The following ADGB variants were observed in gnomAD, a reference collection of about 807,000 sequenced individuals.
ADGB encodes calpain-7-like protein.
Under a neutral mutation model 210.5 loss-of-function variants are expected in ADGB, and 172 were observed. That is an observed-to-expected ratio of 0.82 (90% CI 0.72 to 0.93). The LOEUF is 0.93. Ranked by LOEUF, ADGB falls within the 40% of genes least tolerant of loss-of-function variation. The pLI is 0.00. For synonymous variants in ADGB, 658 were observed against 662.7 expected, an observed-to-expected ratio of 0.99 and a Z score of 0.11; for missense variants, 2,025 against 1,964.8, an observed-to-expected ratio of 1.03 and a Z score of -0.58.
intron 23 of ADGB, among the ~76,000 whole-genome samples, chr6:146,737,669 C>A (rs926260903): frequency 1.3e-5 from 2 of 152,140 alleles, no homozygotes; most frequent in Non-Finnish European, 2.9e-5. Context: ...TCTTTTCCAA[C>A]CTGCTTTTGT....
chr6:146,702,643 A>T (rs1159246212), intron 13 of ADGB, among the ~76,000 whole-genome samples: 5 of 152,078 alleles, frequency 3.3e-5, no homozygotes, highest in Admixed American at 6.6e-5. Context: ...TAATCTTAAA[A>T]ATACTTAATA....
intron 33 of ADGB, among the ~76,000 whole-genome samples, chr6:146,797,044 A>C (rs1401694693): frequency 1.3e-5 from 2 of 152,190 alleles, no homozygotes; most frequent in Non-Finnish European, 2.9e-5. Context: ...TAAGGACATG[A>C]ATAGACAATC....
At chr6:146,638,364 A>G (rs947809291) in intron 2 of ADGB, among the ~76,000 whole-genome samples, 16 of 151,996 alleles carry the variant, frequency 1.1e-4, no homozygotes, top group Admixed American at 9.8e-4. Context: ...CAAATGTCCA[A>G]CAATGATAGA....
chr6:146,653,694 A>G (rs758111208), intron 3 of ADGB, among the ~76,000 whole-genome samples: 1 of 152,158 alleles, frequency 6.6e-6, no homozygotes, highest in Non-Finnish European at 1.5e-5. Flanking sequence ...CCCATGACGT[A>G]AGTTTACCTA....
At chr6:146,806,376 A>T (rs1196919422) in intron 35 of ADGB, among the ~76,000 whole-genome samples, 1 of 152,142 alleles carries the variant, frequency 6.6e-6, no homozygotes, top group African/African-American at 2.4e-5. Context: ...TATTAAACTT[A>T]TTTACACACT....
chr6:146,634,164 T>C (rs1460707468), intron 1 of ADGB, among the ~76,000 whole-genome samples: 3 of 152,160 alleles, frequency 2.0e-5, no homozygotes, highest in Admixed American at 6.6e-5. Flanking sequence ...CAGTAACAGC[T>C]GTACAGGTTT....
At chr6:146,743,800 G>A (rs1001680539) in intron 25 of ADGB, among the ~76,000 whole-genome samples, 5 of 152,156 alleles carry the variant, frequency 3.3e-5, no homozygotes, top group Non-Finnish European at 5.9e-5. Context: ...TGTAGTCCCA[G>A]CTACTAGGGA....
intron 1 of ADGB, among the ~76,000 whole-genome samples, chr6:146,628,922 A>G (rs1781019722): frequency 1.3e-5 from 2 of 152,124 alleles, no homozygotes; most frequent in South Asian, 4.1e-4. Flanking sequence ...GGGGAAATAA[A>G]TGTTACCAAA....
At chr6:146,653,113 C>T (rs1029955238) in intron 3 of ADGB, among the ~76,000 whole-genome samples, 1 of 152,012 alleles carries the variant, frequency 6.6e-6, no homozygotes, top group Non-Finnish European at 1.5e-5. Context: ...ACTGCGTGTG[C>T]ATGTGAGGAA....
chr6:146,720,836 A>G (rs1776801736), intron 16 of ADGB, among the ~76,000 whole-genome samples: 1 of 151,866 alleles, frequency 6.6e-6, no homozygotes, highest in Non-Finnish European at 1.5e-5. Flanking sequence ...TGATTCAATC[A>G]CCTCCCACCA....
intron 19 of ADGB, 30 bp downstream of exon 19, chr6:146,726,227 A>G (rs377544817): frequency 2.8e-6 from 4 of 1,422,854 alleles, no homozygotes; most frequent in Non-Finnish European, 3.9e-6. Context: ...CAAGTTATTT[A>G]TTTATTTATT....
intron 1 of ADGB, among the ~76,000 whole-genome samples, chr6:146,628,085 A>T (rs1178289418): frequency 3.3e-5 from 5 of 152,044 alleles, no homozygotes; most frequent in African/African-American, 4.8e-5. Flanking sequence ...TAAATTTTAT[A>T]TTTGTTTTTA....
chr6:146,764,199 G>A (rs1777542196), intron 28 of ADGB, 99 bp downstream of exon 28: 2 of 1,031,928 alleles, frequency 1.9e-6, no homozygotes, highest in Non-Finnish European at 2.7e-6. Flanking sequence ...AGTGTGCAGT[G>A]CTGCCAATGT....
chr6:146,809,548 C>G (rs1778270276), intron 35 of ADGB, among the ~76,000 whole-genome samples: 1 of 152,046 alleles, frequency 6.6e-6, no homozygotes, highest in Non-Finnish European at 1.5e-5. Context: ...CACCATGTTT[C>G]CCAGGCTGTT....
intron 12 of ADGB, among the ~76,000 whole-genome samples, chr6:146,699,460 C>G (rs1242815875): frequency 6.6e-6 from 1 of 152,122 alleles, no homozygotes; most frequent in Non-Finnish European, 1.5e-5. Context: ...GTGAATTCAC[C>G]TTTCCTCTGT....
intron 9 of ADGB, among the ~76,000 whole-genome samples, chr6:146,679,744 CT>C (rs1201436507): frequency 6.6e-6 from 1 of 152,120 alleles, no homozygotes; most frequent in African/African-American, 2.4e-5. Flanking sequence ...TTATTGAAAA[CT>C]TTTTTCTCTA....
In ADGB at chr6:146,715,416, G is replaced by A; in HGVS notation, c.1741+1G>A. On this transcript the variant is annotated splice_donor_variant, in intron 14 of 35. Coordinates refer to ENST00000397944, the MANE Select transcript of ADGB (RefSeq NM_024694.4). LOFTEE classifies it high-confidence loss of function. Reference sequence around the variant, plus strand: ...GCTTCACAAGTTATACTTGGAAAAGGTAAATTAATAATTTTCCTGTGACTT... The same window carrying A: ...GCTTCACAAGTTATACTTGGAAAAGATAAATTAATAATTTTCCTGTGACTT... 6.7e-7 allele frequency: 1 copy of A among 1,496,418 alleles called. No individual in the cohort carries two copies. Among genetic ancestry groups the A allele is most frequent in the Non-Finnish European group, 8.9e-7 (1 of 1,122,960 alleles). The allele number at this position is 1,496,418 out of a possible 1,614,324, so 92.7% of individuals were successfully genotyped here.
rs1440430212 is a variant in ADGB at position 146,756,992 on chromosome 6, G to C, written c.3550+4278G>C. Among the ~76,000 whole-genome samples the C allele has an allele frequency of 2.0e-5, 3 of 151,950 alleles. No homozygotes were observed. The East Asian group carries it at 5.8e-4, about 29-fold the overall frequency. ...TCCACCTGCATCAGCTTCCCCAAGGGCTGGGATTACAGGTGTGAGCCACTG... is the reference window on the plus strand; with the variant it reads ...TCCACCTGCATCAGCTTCCCCAAGGCCTGGGATTACAGGTGTGAGCCACTG... On this transcript the variant is annotated intron_variant, in intron 27 of 35. Coordinates refer to ENST00000397944, the MANE Select transcript of ADGB (RefSeq NM_024694.4).
intron 13 of ADGB, among the ~76,000 whole-genome samples, chr6:146,702,605 ACTTC>A (rs1297049173): frequency 1.3e-5 from 2 of 151,774 alleles, no homozygotes; most frequent in Non-Finnish European, 2.9e-5. Context: ...ATATTTCACA[ACTTC>A]CTTTTTTTCT....
Sources: gnomAD v4.1 joint callset for allele counts (sites outside exome capture counted in the v4.1 genomes callset) on GRCh38, gnomAD v4.1.1 for gene constraint, MANE v1.5 for transcripts, NCBI Gene and HGNC (gene_info 2026-07-23, HGNC 2026-07-21) for gene names.